NBPF15: variants seen among roughly 807,000 people sequenced by gnomAD.
NBPF15 encodes the protein NBPF family member NBPF15.
In NBPF15, 74 loss-of-function variants were observed where a neutral mutation model predicts 62.2. The observed-to-expected ratio is 1.19, with a 90% CI of 0.99 to 1.44. The LOEUF (loss-of-function observed/expected upper bound fraction) is 1.44, where lower values mean the gene tolerates loss of function less well. NBPF15 is among the 40% of genes most tolerant of loss of function. The pLI is 0.00. For synonymous variants in NBPF15, 244 were observed against 209.7 expected (o/e 1.16, Z -1.41); for missense variants, 790 against 550.0 (o/e 1.44, Z -4.36).
At chr1:144,450,394 G>A (rs1373427531) in intron 5 of NBPF15, among the ~76,000 whole-genome samples, 5 of 151,876 alleles carry the variant, frequency 3.3e-5, no homozygotes, top group African/African-American at 9.7e-5. Flanking sequence ...GGCCTCTGGA[G>A]TCAGAGTGTC....
intron 3 of NBPF15, among the ~76,000 whole-genome samples, chr1:144,458,785 A>C (rs1333026955): frequency 6.6e-6 from 1 of 152,120 alleles, no homozygotes; most frequent in African/African-American, 2.4e-5. Context: ...CATGCCTGTA[A>C]TCCCCACACT....
At chr1:144,429,460 A>T (rs1672596913) in intron 14 of NBPF15, among the ~76,000 whole-genome samples, 3 of 151,036 alleles carry the variant, frequency 2.0e-5, no homozygotes, top group Admixed American at 2.0e-4. Context: ...CAATGTCGTG[A>T]CAGTCAGTCC....
intron 15 of NBPF15, 113 bp from the exon 16 acceptor site, chr1:144,428,103 C>A (rs1452072104): frequency 5.6e-6 from 4 of 708,412 alleles, no homozygotes; most frequent in South Asian, 1.5e-5. Context: ...AAGGACAGAT[C>A]CATTAATGAG....
intron 17 of NBPF15, among the ~76,000 whole-genome samples, chr1:144,426,794 A>G (rs587644289): frequency 6.6e-6 from 1 of 151,474 alleles, no homozygotes; most frequent in African/African-American, 2.4e-5. Flanking sequence ...AATTTTCCAT[A>G]AACTTGCTCA....
chr1:144,426,838 T>G (rs1279044243), intron 17 of NBPF15, among the ~76,000 whole-genome samples: 3 of 148,868 alleles, frequency 2.0e-5, no homozygotes, highest in Admixed American at 1.3e-4. Context: ...GCCTTTGAGG[T>G]ATGGTCAACC....
intron 1 of NBPF15, 49 bp downstream of exon 1, chr1:144,461,332 C>G (rs587649451): frequency 6.6e-6 from 1 of 151,426 alleles, no homozygotes; most frequent in Admixed American, 6.6e-5. Context: ...ACAAAACTTG[C>G]GACAGCCGCA....
At chr1:144,442,234 A>T (rs1193624817) in intron 6 of NBPF15, among the ~76,000 whole-genome samples, 1 of 116,624 alleles carries the variant, frequency 8.6e-6, no homozygotes, top group African/African-American at 3.4e-5. Context: ...TATATTAATA[A>T]TATATATTAT....
intron 6 of NBPF15, among the ~76,000 whole-genome samples, chr1:144,448,154 A>G (rs587703441): frequency 9.2e-5 from 14 of 152,234 alleles, no homozygotes; most frequent in Admixed American, 6.5e-4. Flanking sequence ...TTGTGGGCAC[A>G]GAAGGCAGAC....
intron 18 of NBPF15, among the ~76,000 whole-genome samples, chr1:144,426,067 C>T (rs1417455036): frequency 1.9e-5 from 1 of 51,748 alleles, no homozygotes; most frequent in Non-Finnish European, 3.4e-5. Context: ...ACAGGCATGG[C>T]TGGAGACTAG....
intron 21 of NBPF15, among the ~76,000 whole-genome samples, chr1:144,423,473 C>G (rs1311726940): frequency 6.6e-6 from 1 of 151,716 alleles, no homozygotes; most frequent in Non-Finnish European, 1.5e-5. Flanking sequence ...GAGACAGAGA[C>G]AGAGACAGAG....
chr1:144,451,530 A>G (rs1553545529), intron 4 of NBPF15, among the ~76,000 whole-genome samples: 1 of 151,888 alleles, frequency 6.6e-6, no homozygotes, highest in Non-Finnish European at 1.5e-5. Context: ...GAAACCTTGG[A>G]CAATACCTGG....
intron 6 of NBPF15, among the ~76,000 whole-genome samples, chr1:144,447,137 C>G (rs1402137811): frequency 6.6e-6 from 1 of 152,300 alleles, no homozygotes; most frequent in Non-Finnish European, 1.5e-5. Context: ...CTTCCAGAAC[C>G]CTGTTGTTCT....
At chr1:144,445,397 G>A (rs1195455351) in intron 6 of NBPF15, among the ~76,000 whole-genome samples, 2 of 143,626 alleles carry the variant, frequency 1.4e-5, no homozygotes, top group African/African-American at 2.5e-5. Flanking sequence ...GTGTGTGTGT[G>A]TGTATACATA....
At chr1:144,429,043 G>T (rs1311366560) in intron 14 of NBPF15, among the ~76,000 whole-genome samples, 1 of 151,948 alleles carries the variant, frequency 6.6e-6, no homozygotes, top group Non-Finnish European at 1.5e-5. Flanking sequence ...TGTGGACACA[G>T]AGATTTGATG....
At chr1:144,457,888 GAAACCAGTCT>G (rs1649297314) in intron 3 of NBPF15, among the ~76,000 whole-genome samples, 1 of 151,948 alleles carries the variant, frequency 6.6e-6, no homozygotes, top group African/African-American at 2.4e-5. Flanking sequence ...CCAGGAGTTT[GAAACCAGTCT>G]GAGCACTACA....
rs1462430514 is a variant in NBPF15, at chr1:144,422,879, A to C, written c.*134T>G. On this transcript the variant is annotated 3_prime_UTR_variant, in exon 22 of 22. Transcript: ENST00000581897. ...CAGGTTGCCAATGGCATGGTTTGAG[A>C]ATAGGAATAGAGCCATGCTCACTGA... The C allele has an allele frequency of 1.3e-6, 2 of 1,589,444 alleles. No homozygotes were observed. Among genetic ancestry groups the C allele is most frequent in the African/African-American group, 2.7e-5 (2 of 74,018 alleles).
Position 144,427,041 on chromosome 1 carries a change from A to C in NBPF15, c.1265+6T>G. On this transcript the variant is annotated splice_donor_region_variant and intron_variant, in intron 17 of 21. Coordinates refer to ENST00000581897, the MANE Select transcript of NBPF15 (RefSeq NM_001385408.1). ...CAATTAAGCATCCATAATTGCTCAA[A>C]GTTACCTGGGGCATGATGGGTCTTG... 1.3e-6 allele frequency: 1 copy of C among 752,388 alleles called. No individual in the cohort carries two copies. Among genetic ancestry groups the C allele is most frequent in the Non-Finnish European group, 2.4e-6 (1 of 413,130 alleles). The allele number at this position is 752,388 out of a possible 1,614,324, so 46.6% of individuals were successfully genotyped here. A position where few individuals can be genotyped will look rare whatever the true frequency, so the allele number is the denominator to read the frequency against.
Position 144,422,650 on chromosome 1 carries a change from A to G in NBPF15, c.*363T>C. ...GAAACCAGGGTAACACCTTTGGATG[A>G]GCTAAACACAAAGATGACAATGACC... is the stretch of plus-strand genomic sequence containing the variant. On this transcript the variant is annotated 3_prime_UTR_variant, in exon 22 of 22. Coordinates refer to ENST00000581897, the MANE Select transcript of NBPF15 (RefSeq NM_001385408.1). 7.6e-6 allele frequency: 3 copies of G among 393,336 alleles called. No homozygotes were observed. The highest frequency in any genetic ancestry group is 7.4e-5 in the South Asian group (3 of 40,280). 24.4% of individuals were successfully genotyped at this position (393,336 alleles called of 1,614,324 possible).
At position 144,422,960 on chromosome 1, in the gene NBPF15, T is replaced by C; in HGVS notation, c.*53A>G. ...CTGTACTTTCATTCAAATCTTCTCG[T>C]GCCTATAGGTCCTGCCTGCAGGAAT... On this transcript the variant is annotated 3_prime_UTR_variant, in exon 22 of 22. Coordinates refer to ENST00000581897, the MANE Select transcript of NBPF15 (RefSeq NM_001385408.1). 13 of 1,611,616 alleles carry C rather than the reference T, an allele frequency of 8.1e-6. No homozygotes were observed. The South Asian group carries it at 1.3e-4, about 16-fold the overall frequency.
Sources: allele counts gnomAD v4.1 joint callset (sites outside exome capture counted in the v4.1 genomes callset), GRCh38; gene constraint gnomAD v4.1.1; transcripts MANE v1.5; gene names NCBI Gene and HGNC (gene_info 2026-07-23, HGNC 2026-07-21).